Variants in ADAMTS16 observed in about 807,000 individuals in gnomAD.
The protein encoded by ADAMTS16 is A disintegrin and metalloproteinase with thrombospondin motifs 16.
Under a neutral mutation model 145.8 loss-of-function variants are expected in ADAMTS16, and 94 were observed. That is an observed-to-expected ratio of 0.64 (90% CI 0.55 to 0.77). The LOEUF (loss-of-function observed/expected upper bound fraction) is 0.77, where lower values mean the gene tolerates loss of function less well. Among genes scored for constraint, ADAMTS16 ranks in the 30% least tolerant of loss-of-function variants. The pLI is 0.00. For synonymous variants in ADAMTS16, 659 were observed against 604.3 expected (o/e 1.09, Z -1.33); for missense variants, 1,585 against 1,591.5 (o/e 1.00, Z 0.07).
At chr5:5,251,721 A>G (rs998430785) in intron 17 of ADAMTS16, among the ~76,000 whole-genome samples, 49 of 152,338 alleles carry the variant, frequency 3.2e-4, no homozygotes, top group African/African-American at 1.2e-3. Flanking sequence ...AGTAACTGAG[A>G]TGCTCTCTGC....
chr5:5,273,509 C>T (rs1738564873), intron 18 of ADAMTS16, among the ~76,000 whole-genome samples: 1 of 152,200 alleles, frequency 6.6e-6, no homozygotes, highest in African/African-American at 2.4e-5. Context: ...GAGTGAAAAC[C>T]TGTCTCAATA....
At chr5:5,290,678 A>G (rs1739272739) in intron 18 of ADAMTS16, among the ~76,000 whole-genome samples, 1 of 152,192 alleles carries the variant, frequency 6.6e-6, no homozygotes, top group Non-Finnish European at 1.5e-5. Flanking sequence ...TGCACAAAAT[A>G]GAGGCGCTAA....
At chr5:5,168,152 A>T (rs920059058) in intron 3 of ADAMTS16, among the ~76,000 whole-genome samples, 4 of 152,134 alleles carry the variant, frequency 2.6e-5, no homozygotes, top group African/African-American at 9.7e-5. Flanking sequence ...TATTATGATG[A>T]CATTTAATCT....
chr5:5,242,273 C>A, intron 17 of ADAMTS16, 82 bp downstream of exon 17: 1 of 1,540,934 alleles, frequency 6.5e-7, no homozygotes, highest in South Asian at 1.2e-5. Flanking sequence ...TTTCTTGAAT[C>A]CTAATGAGCA....
chr5:5,262,472 C>T (rs146663715), intron 17 of ADAMTS16, among the ~76,000 whole-genome samples, 185 bp from the exon 18 acceptor site: 22 of 152,278 alleles, frequency 1.4e-4, no homozygotes, highest in Admixed American at 5.2e-4. Context: ...ATGAAATTCA[C>T]GAATTACAAC....
At chr5:5,240,017 A>T (rs1343197946) in intron 16 of ADAMTS16, 92 bp downstream of exon 16, 2 of 1,529,370 alleles carry the variant, frequency 1.3e-6, no homozygotes, top group South Asian at 1.3e-5. Context: ...TTTTAAGAAG[A>T]ATGTAAACAG....
chr5:5,315,575 G>A (rs906817000), intron 21 of ADAMTS16, among the ~76,000 whole-genome samples: 16 of 152,148 alleles, frequency 1.1e-4, no homozygotes, highest in Admixed American at 5.2e-4. Context: ...AGATGTTGTG[G>A]ACACTGATGG....
chr5:5,293,623 C>A (rs532783919), intron 18 of ADAMTS16, among the ~76,000 whole-genome samples: 1 of 152,140 alleles, frequency 6.6e-6, no homozygotes, highest in African/African-American at 2.4e-5. Flanking sequence ...ACTGTGTTTC[C>A]GTCCTTGTCC....
intron 18 of ADAMTS16, among the ~76,000 whole-genome samples, chr5:5,282,864 G>A (rs1738974334): frequency 6.6e-6 from 1 of 151,476 alleles, no homozygotes; most frequent in South Asian, 2.1e-4. Flanking sequence ...TTCAAGAACA[G>A]TTTATAGATT....
At position 5,269,465 on chromosome 5, in the gene ADAMTS16, G is replaced by A. The variant is rs78583909; in HGVS notation, c.2789+6682G>A. 0.027 allele frequency among the ~76,000 whole-genome samples: 4,045 copies of A among 152,182 alleles called. 52 individuals are homozygous for A. The highest frequency in any genetic ancestry group is 0.053 in the East Asian group (273 of 5,138). ...TGCTCCCCACCTCCCAGGACATTGA[G>A]TTCACATCACCTGCAATCTCCTCCA... On this transcript the variant is annotated intron_variant, in intron 18 of 22. Coordinates refer to ENST00000274181, the MANE Select transcript of ADAMTS16 (RefSeq NM_139056.4). The surrounding 1 kb of genome is among the most constrained non-coding windows in gnomAD (Gnocchi z 4.3).
At chr5:5,179,242 G>T (rs917753106) in intron 3 of ADAMTS16, among the ~76,000 whole-genome samples, 4 of 151,212 alleles carry the variant, frequency 2.6e-5, no homozygotes, top group African/African-American at 9.7e-5. Context: ...TGCAGTGTCC[G>T]ACTCACCCGG....
chr5:5,200,252 T>A lies in ADAMTS16; in HGVS notation c.1434T>A (p.Tyr478Ter). 1.2e-6 allele frequency: 2 copies of A among 1,614,038 alleles called. No homozygotes were observed. Among genetic ancestry groups the A allele is most frequent in the Non-Finnish European group, 1.7e-6 (2 of 1,179,948 alleles). ...CCTGGTCACCCTGCAGCCGCCAGTA[T>A]CTACACAAATTTCTAAGGTAGGAAC... ...VFSWSPCSRQ[Y>*]LHKFLSTAQA... The change falls in exon 9 of 23, where the codon TAT becomes TAA. Residue 478 changes from tyrosine to a stop codon, truncating the protein, a stop_gained. Coordinates refer to ENST00000274181, the MANE Select transcript of ADAMTS16 (RefSeq NM_139056.4). LOFTEE classifies it high-confidence loss of function.
chr5:5,254,873 A>C (rs2126415619), intron 17 of ADAMTS16, among the ~76,000 whole-genome samples: 1 of 152,272 alleles, frequency 6.6e-6, no homozygotes, highest in South Asian at 2.1e-4. Flanking sequence ...AAAATATACT[A>C]CATTAATTTC....
rs55703329 is a variant in ADAMTS16 at position 5,215,870 on chromosome 5, G to GTATATATATATA, written c.1605+6658_1605+6669dup. Among the ~76,000 whole-genome samples the GTATATATATATA allele has an allele frequency of 7.2e-4, 73 of 101,564 alleles. 1 individual carries two copies. The highest frequency in any genetic ancestry group is 1.1e-3 in the Non-Finnish European group (60 of 55,134). The allele number at this position is 101,564 out of a possible 152,430, so 66.6% of individuals were successfully genotyped here. A position where few individuals can be genotyped will look rare whatever the true frequency, so the allele number is the denominator to read the frequency against. Reference sequence around the variant, plus strand: ...ATATATATATATGTGGTGTGTATGTGTATATATATATATATATATATATAT... The same window carrying GTATATATATATA: ...ATATATATATATGTGGTGTGTATGTGTATATATATATATATATATATATATATATATATATAT... On this transcript the variant is annotated intron_variant, in intron 10 of 22. Transcript: ENST00000274181.
intron 3 of ADAMTS16, among the ~76,000 whole-genome samples, chr5:5,160,011 A>G (rs933664040): frequency 6.6e-6 from 1 of 152,214 alleles, no homozygotes; most frequent in African/African-American, 2.4e-5. Context: ...GGTTATCATT[A>G]GGTAATAAAT....
At chr5:5,254,968 C>A (rs1486775774) in intron 17 of ADAMTS16, among the ~76,000 whole-genome samples, 1 of 152,126 alleles carries the variant, frequency 6.6e-6, no homozygotes, top group African/African-American at 2.4e-5. Flanking sequence ...ATATTTGAAG[C>A]AGCTGAATCT....
At chr5:5,252,023 G>C (rs1030525813) in intron 17 of ADAMTS16, among the ~76,000 whole-genome samples, 6 of 152,100 alleles carry the variant, frequency 3.9e-5, no homozygotes, top group Non-Finnish European at 4.4e-5. Context: ...GCTACTTTTT[G>C]TATTTTTAGT....
At chr5:5,165,362 G>A (rs116125363) in intron 3 of ADAMTS16, among the ~76,000 whole-genome samples, 1 of 151,958 alleles carries the variant, frequency 6.6e-6, no homozygotes, top group Non-Finnish European at 1.5e-5. Context: ...TGGATTGACC[G>A]AGCTTCAATG....
chr5:5,187,684 T>G (rs751466415), intron 5 of ADAMTS16, 41 bp from the exon 6 acceptor site: 1 of 1,413,262 alleles, frequency 7.1e-7, no homozygotes, highest in Non-Finnish European at 1.0e-6. Context: ...GGGGGGAAAA[T>G]GCCATTTATG....
Sources: gnomAD v4.1 joint callset for allele counts (sites outside exome capture counted in the v4.1 genomes callset) on GRCh38, gnomAD v4.1.1 for gene constraint, Gnocchi (gnomAD v3.1) non-coding constraint, MANE v1.5 for transcripts, NCBI Gene and HGNC (gene_info 2026-07-23, HGNC 2026-07-21) for gene names.